The following FRMPD4 variants were observed in gnomAD, a reference collection of about 807,000 sequenced individuals.
The protein encoded by FRMPD4 is FERM and PDZ domain-containing protein 4.
In FRMPD4, 22 loss-of-function variants were observed where a neutral mutation model predicts 94.1. The ratio of observed to expected loss-of-function variants is 0.23; its 90% CI spans 0.17 to 0.33. FRMPD4 has a LOEUF of 0.33. Ranked by LOEUF, FRMPD4 falls within the 10% of genes least tolerant of loss-of-function variation. The probability of loss-of-function intolerance (pLI) is 1.00; values close to 1 mark genes in which losing one functional copy is unlikely to be tolerated. For synonymous variants in FRMPD4, 631 were observed against 548.6 expected, an observed-to-expected ratio of 1.15 and a Z score of -2.10; for missense variants, 1,111 against 1,339.9, an observed-to-expected ratio of 0.83 and a Z score of 2.67.
chrX:12,111,402 G>C (rs1224522829), intron 3 of FRMPD4, among the ~76,000 whole-genome samples: 22 of 111,320 alleles, frequency 2.0e-4, no homozygotes, highest in East Asian at 2.8e-4. Flanking sequence ...TTCCTTACAC[G>C]TTATACAAAA....
intron 3 of FRMPD4, among the ~76,000 whole-genome samples, chrX:12,123,532 G>A (rs2055474779): frequency 9.0e-6 from 1 of 111,567 alleles, no homozygotes; most frequent in South Asian, 3.8e-4. Flanking sequence ...CTACATTTTC[G>A]ACTTCTAGGT....
chrX:12,332,075 T>TG (rs1411048257), intron 1 of FRMPD4, among the ~76,000 whole-genome samples: 1 of 74,321 alleles, frequency 1.3e-5, no homozygotes, highest in African/African-American at 6.0e-5. Context: ...ATAATTTATA[T>TG]TATATATAAT....
intron 1 of FRMPD4, among the ~76,000 whole-genome samples, chrX:11,859,866 C>A (rs2053675885): frequency 8.9e-6 from 1 of 112,062 alleles, no homozygotes; most frequent in Non-Finnish European, 1.9e-5. Flanking sequence ...GCTGCCACTT[C>A]AAATAAAATG....
At chrX:11,883,719 A>G (rs1360586987) in intron 3 of FRMPD4, among the ~76,000 whole-genome samples, 1 of 112,200 alleles carries the variant, frequency 8.9e-6, no homozygotes, top group Non-Finnish European at 1.9e-5. Context: ...ACGTATGCAC[A>G]GGCAGAGCTG....
At chrX:11,887,645 G>A (rs1020679297) in intron 3 of FRMPD4, among the ~76,000 whole-genome samples, 3 of 111,874 alleles carry the variant, frequency 2.7e-5, no homozygotes, top group South Asian at 3.8e-4. Flanking sequence ...AGTCACACCC[G>A]GGACAGATTT....
In FRMPD4 at chrX:12,717,414, T is replaced by C. The variant is rs2042112037; in HGVS notation, c.2675-87T>C. ...AAAGGGAAAAACTTGGTATTTTGTT[T>C]TAGTAATAACGAGTCCCATTTTCTT... On this transcript the variant is annotated intron_variant, in intron 15 of 16. Transcript: ENST00000675598. 3 of 643,287 alleles carry C rather than the reference T, an allele frequency of 4.7e-6. No homozygotes were observed. In the East Asian group the frequency reaches 9.7e-5, roughly 21 times the overall value. The allele number at this position is 643,287 out of a possible 1,213,427, so 53.0% of individuals were successfully genotyped here. A position where few individuals can be genotyped will look rare whatever the true frequency, so the allele number is the denominator to read the frequency against.
intron 1 of FRMPD4, among the ~76,000 whole-genome samples, chrX:12,329,530 A>C (rs1376003381): frequency 9.0e-6 from 1 of 110,871 alleles, no homozygotes; most frequent in East Asian, 2.8e-4. Context: ...TGAACCCCCA[A>C]CAATACGCAT....
intron 2 of FRMPD4, among the ~76,000 whole-genome samples, chrX:12,566,713 G>T (rs1225603545): frequency 5.4e-5 from 6 of 111,980 alleles, no homozygotes; most frequent in Non-Finnish European, 9.4e-5. Flanking sequence ...TCTCTGAGGA[G>T]TGCAAGGGTG....
chrX:11,845,807 A>T (rs1344157447), intron 1 of FRMPD4, among the ~76,000 whole-genome samples: 1 of 108,882 alleles, frequency 9.2e-6, no homozygotes, highest in Non-Finnish European at 1.9e-5. Flanking sequence ...GATGCACAAA[A>T]GGCCTTTGAC....
intron 1 of FRMPD4, among the ~76,000 whole-genome samples, chrX:12,187,690 A>G (rs778043402): frequency 9.0e-6 from 1 of 111,409 alleles, no homozygotes; most frequent in Non-Finnish European, 1.9e-5. Flanking sequence ...GTTCTGTATA[A>G]GAATTTGGTG....
chrX:11,849,084 G>C (rs1441075445), intron 1 of FRMPD4, among the ~76,000 whole-genome samples: 1 of 111,747 alleles, frequency 8.9e-6, no homozygotes, highest in East Asian at 2.8e-4. Flanking sequence ...AAAGCTGGTA[G>C]AACTAATACA....
chrX:12,222,303 G>A (rs979705874), intron 1 of FRMPD4, among the ~76,000 whole-genome samples: 8 of 111,849 alleles, frequency 7.2e-5, no homozygotes, highest in African/African-American at 2.0e-4. Flanking sequence ...CATACATTGC[G>A]TTTTATATTA....
upstream of FRMPD4, among the ~76,000 whole-genome samples, chrX:12,133,841 A>C (rs2055574651): frequency 8.9e-6 from 1 of 111,858 alleles, no homozygotes; most frequent in South Asian, 3.8e-4. Flanking sequence ...CATTCAAAAC[A>C]TAAGTCAGAT....
chrX:12,436,437 G>C (rs112479132), intron 1 of FRMPD4, among the ~76,000 whole-genome samples: 1 of 111,193 alleles, frequency 9.0e-6, no homozygotes, highest in Non-Finnish European at 1.9e-5. Context: ...GGGTTGTTTG[G>C]TTGGTTTTCC....
Position 12,040,765 on chromosome X carries a change from G to A in FRMPD4, c.95+162747G>A, listed in dbSNP as rs764236181. The stretch of plus-strand genomic sequence containing the variant: ...AGGATGGTCTCAATCTGCTGATCTC[G>A]TGATCCGCCCACCTCGGCCTCCCAA... On this transcript the variant is annotated intron_variant, in intron 3 of 18. Coordinates refer to the FRMPD4 transcript ENST00000640291. 5.5e-5 allele frequency among the ~76,000 whole-genome samples: 6 copies of A among 108,997 alleles called. No individual in the cohort carries two copies. The South Asian group carries it at 1.6e-3, about 29-fold the overall frequency. The allele number at this position is 108,997 out of a possible 115,157, so 94.7% of individuals were successfully genotyped here. A position where few individuals can be genotyped will look rare whatever the true frequency, so the allele number is the denominator to read the frequency against.
intron 1 of FRMPD4, among the ~76,000 whole-genome samples, chrX:12,435,175 G>T: frequency 9.0e-6 from 1 of 111,328 alleles, no homozygotes; most frequent in African/African-American, 3.3e-5. Context: ...TATTATAAAT[G>T]GAGTCCATTC....
chrX:12,138,702 C>A lies in FRMPD4; in HGVS notation c.-270C>A. On this transcript the variant is annotated 5_prime_UTR_variant, in exon 1 of 17. Transcript: ENST00000675598. ...GCGCTCCCCGCCCCCGCCTCTTGCG[C>A]CCTGCCTGGCTCCCTCTCCATTGAG... 3.3e-6 allele frequency: 1 copy of A among 301,874 alleles called. No homozygotes were observed. The highest frequency in any genetic ancestry group is 5.8e-6 in the Non-Finnish European group (1 of 173,563). The allele number at this position is 301,874 out of a possible 1,213,427, so 24.9% of individuals were successfully genotyped here.
At chrX:12,038,111 A>G (rs1264572662) in intron 3 of FRMPD4, among the ~76,000 whole-genome samples, 1 of 112,214 alleles carries the variant, frequency 8.9e-6, no homozygotes, top group South Asian at 3.7e-4. Flanking sequence ...GTATTTTGAC[A>G]TATAATTTCA....
At chrX:12,460,263 A>G (rs1253371521) in intron 1 of FRMPD4, among the ~76,000 whole-genome samples, 3 of 111,608 alleles carry the variant, frequency 2.7e-5, no homozygotes, top group African/African-American at 6.5e-5. Context: ...TCTAATCTTG[A>G]TAAGGTCCAG....
Sources: allele counts gnomAD v4.1 joint callset (sites outside exome capture counted in the v4.1 genomes callset), GRCh38; gene constraint gnomAD v4.1.1; transcripts MANE v1.5; gene names NCBI Gene and HGNC (gene_info 2026-07-23, HGNC 2026-07-21).